Variants in ZMYND8 observed in about 807,000 individuals in gnomAD.
ZMYND8 encodes MYND-type zinc finger-containing chromatin reader ZMYND8.
Under a neutral mutation model 140.8 loss-of-function variants are expected in ZMYND8, and 37 were observed. That is an observed-to-expected ratio of 0.26 (90% CI 0.20 to 0.35). ZMYND8 has a LOEUF of 0.35. Ranked by LOEUF, ZMYND8 falls within the 10% of genes least tolerant of loss-of-function variation. The pLI is 1.00. For synonymous variants in ZMYND8, 592 were observed against 597.1 expected (o/e 0.99, Z 0.12); for missense variants, 1,068 against 1,570.0 (o/e 0.68, Z 5.40).
At chr20:47,283,447 A>G (rs2076732767) in intron 9 of ZMYND8, 124 bp downstream of exon 9, 1 of 989,690 alleles carries the variant, frequency 1.0e-6, no homozygotes, top group Admixed American at 2.3e-5. Context: ...TTTATCAGCA[A>G]AAAATTATCT....
At chr20:47,356,212 C>G (rs1369875450) in intron 1 of ZMYND8, among the ~76,000 whole-genome samples, 1 of 123,936 alleles carries the variant, frequency 8.1e-6, no homozygotes. Context: ...AGCCTGTTTG[C>G]TTACCTTCCA....
In ZMYND8 at chr20:47,276,660, C is replaced by T. The variant is rs779154339; in HGVS notation, c.1134G>A (p.Gly378=). The change falls in exon 11 of 23, where the codon GGG becomes GGA. Residue 378 remains glycine, a synonymous_variant. Coordinates refer to ENST00000471951, the MANE Select transcript of ZMYND8 (RefSeq NM_001281775.3). ...VYVENIRRKF[G]VFNYSPFRTP... ...TCCTAAATGGAGAGTAATTAAAAAC[C>T]CCAAACTTCCTGCGGATGTTCTCCA... 1.9e-6 allele frequency: 3 copies of T among 1,613,672 alleles called. No individual in the cohort carries two copies. Among genetic ancestry groups the T allele is most frequent in the African/African-American group, 1.3e-5 (1 of 74,820 alleles).
In ZMYND8 at chr20:47,246,088, A is replaced by G; in HGVS notation, c.2204T>C (p.Ile735Thr). Reference protein sequence around the residue: ...LDSDSESELVIDLGEDHSGRE... With the variant: ...LDSDSESELVTDLGEDHSGRE... ...CCCAGAATGGTCTTCTCCTAAATCTATGACAAGTTCGCTCTCTGAATCAGA... is the reference window on the plus strand; with the variant it reads ...CCCAGAATGGTCTTCTCCTAAATCTGTGACAAGTTCGCTCTCTGAATCAGA... The change falls in exon 14 of 23, where the codon ATA becomes ACA. Residue 735 changes from isoleucine to threonine, a missense_variant. Transcript: ENST00000471951. 2 of 1,614,148 alleles carry G rather than the reference A, an allele frequency of 1.2e-6. No homozygotes were observed. Among genetic ancestry groups the G allele is most frequent in the Non-Finnish European group, 1.7e-6 (2 of 1,180,022 alleles).
At chr20:47,273,620 C>G (rs77583712) in intron 11 of ZMYND8, among the ~76,000 whole-genome samples, 1 of 152,160 alleles carries the variant, frequency 6.6e-6, no homozygotes, top group African/African-American at 2.4e-5. Context: ...TACGGCTGCT[C>G]TATTTTCTTC....
intron 11 of ZMYND8, among the ~76,000 whole-genome samples, chr20:47,275,150 A>T (rs992198136): frequency 2.0e-5 from 3 of 152,178 alleles, no homozygotes; most frequent in African/African-American, 7.2e-5. Flanking sequence ...ATAATTGGAG[A>T]TTTTACTTAA....
intron 2 of ZMYND8, among the ~76,000 whole-genome samples, chr20:47,317,005 G>A (rs1025537662): frequency 1.3e-5 from 2 of 152,084 alleles, no homozygotes; most frequent in Admixed American, 6.5e-5. Flanking sequence ...GTGGGACTCC[G>A]AGGGCCAGCT....
At position 47,325,619 on chromosome 20, in the gene ZMYND8, A is replaced by G. The variant is rs927944541; in HGVS notation, c.86-15415T>C. 3.9e-5 allele frequency among the ~76,000 whole-genome samples: 6 copies of G among 152,264 alleles called. No individual in the cohort carries two copies. In the East Asian group the frequency reaches 5.8e-4, roughly 15 times the overall value. On this transcript the variant is annotated intron_variant, in intron 2 of 22. Coordinates refer to ENST00000471951, the MANE Select transcript of ZMYND8 (RefSeq NM_001281775.3). ...CAGGTACTCAGCCATTCTCTTGCCT[A>G]AAGAACCCATTTCCCCCAAAAGCAG...
intron 2 of ZMYND8, among the ~76,000 whole-genome samples, chr20:47,343,566 C>T (rs924564248): frequency 2.0e-5 from 3 of 152,094 alleles, no homozygotes; most frequent in Non-Finnish European, 4.4e-5. Context: ...GGCTGGAGTG[C>T]AGTGGTGGAA....
chr20:47,214,453 A>T (rs2035770772), intron 21 of ZMYND8, among the ~76,000 whole-genome samples: 1 of 152,134 alleles, frequency 6.6e-6, no homozygotes, highest in African/African-American at 2.4e-5. Context: ...CACTGTGCTG[A>T]TGTGACTCTG....
At chr20:47,268,331 T>TC (rs1391315826) in intron 11 of ZMYND8, among the ~76,000 whole-genome samples, 2 of 138,200 alleles carry the variant, frequency 1.4e-5, no homozygotes, top group Non-Finnish European at 3.0e-5. Flanking sequence ...TCTCGCTCTG[T>TC]CACCCAGGCT....
intron 3 of ZMYND8, among the ~76,000 whole-genome samples, chr20:47,305,669 A>G (rs2078426291): frequency 6.6e-6 from 1 of 152,090 alleles, no homozygotes; most frequent in Admixed American, 6.5e-5. Context: ...ATATGCAGAC[A>G]CCCTGTCCTC....
intron 2 of ZMYND8, among the ~76,000 whole-genome samples, chr20:47,317,677 C>T (rs1004445131): frequency 6.6e-6 from 1 of 152,200 alleles, no homozygotes; most frequent in South Asian, 2.1e-4. Flanking sequence ...ATGTGCTTAG[C>T]TGGGTCCCGG....
chr20:47,356,411 C>A, intron 1 of ZMYND8: 1 of 1,533,618 alleles, frequency 6.5e-7, no homozygotes, highest in Non-Finnish European at 8.7e-7. Context: ...TCCAGAAACA[C>A]CATGCCCTGG....
At chr20:47,291,682 G>T in intron 6 of ZMYND8, 114 bp downstream of exon 6, 1 of 661,454 alleles carries the variant, frequency 1.5e-6, no homozygotes, top group Non-Finnish European at 2.3e-6. Context: ...AAAATATAGA[G>T]AAACAATTTA....
intron 1 of ZMYND8, chr20:47,349,724 T>A: frequency 1.6e-6 from 2 of 1,246,446 alleles, no homozygotes; most frequent in Non-Finnish European, 2.2e-6. Flanking sequence ...CTCTCTAGCA[T>A]GAAGTATGTG....
At position 47,294,648 on chromosome 20, in the gene ZMYND8, G is replaced by A. The variant is rs2077529019; in HGVS notation, c.567+18C>T. 6 of 1,606,806 alleles carry A rather than the reference G, an allele frequency of 3.7e-6. No homozygotes were observed. Among genetic ancestry groups the A allele is most frequent in the African/African-American group, 1.3e-5 (1 of 74,782 alleles). The stretch of plus-strand genomic sequence containing the variant: ...TTACGTTCATTTACGCGTATACCAA[G>A]AGGAACTTTCTTCTTACCCCTGGCT... On this transcript the variant is annotated intron_variant, in intron 5 of 22. Coordinates refer to ENST00000471951, the MANE Select transcript of ZMYND8 (RefSeq NM_001281775.3).
intron 17 of ZMYND8, 80 bp from the exon 18 acceptor site, chr20:47,227,361 G>T (rs2037849749): frequency 1.5e-6 from 2 of 1,341,344 alleles, no homozygotes; most frequent in Non-Finnish European, 2.1e-6. Context: ...ACCACGGCTG[G>T]CTGTGAGGGG....
chr20:47,233,358 T>G (rs1007142778), intron 16 of ZMYND8, among the ~76,000 whole-genome samples: 14 of 152,088 alleles, frequency 9.2e-5, no homozygotes, highest in Non-Finnish European at 1.9e-4. Flanking sequence ...TACCGGCATG[T>G]GCCACCAGGC....
Position 47,298,596 on chromosome 20 carries a change from G to T in ZMYND8, c.453+133C>A. ...GTGTTGGTCAAGAAGGGGGTGACCAGGATAGAACAGGTGGAAAGCAAGAAA... is the reference window on the plus strand; with the variant it reads ...GTGTTGGTCAAGAAGGGGGTGACCATGATAGAACAGGTGGAAAGCAAGAAA... On this transcript the variant is annotated intron_variant, in intron 4 of 22. Transcript: ENST00000471951. This position sits in a 1 kb window ranked among gnomAD's most constrained non-coding sequence, Gnocchi z 5.0. 6.7e-7 allele frequency: 1 copy of T among 1,492,694 alleles called. No homozygotes were observed. Among genetic ancestry groups the T allele is most frequent in the Non-Finnish European group, 8.9e-7 (1 of 1,120,864 alleles). 92.5% of individuals were successfully genotyped at this position (1,492,694 alleles called of 1,614,324 possible). A position where few individuals can be genotyped will look rare whatever the true frequency, so the allele number is the denominator to read the frequency against.
Sources: gnomAD v4.1 joint callset for allele counts (sites outside exome capture counted in the v4.1 genomes callset) on GRCh38, gnomAD v4.1.1 for gene constraint, Gnocchi (gnomAD v3.1) non-coding constraint, MANE v1.5 for transcripts, NCBI Gene and HGNC (gene_info 2026-07-23, HGNC 2026-07-21) for gene names.